CATSPERT: variants seen among roughly 807,000 people sequenced by gnomAD.
CATSPERT encodes catsper channel auxiliary subunit tau.
chr2:201,603,178 C>T, the CATSPERT span: 3 of 1,557,092 alleles, frequency 1.9e-6, no homozygotes, highest in Non-Finnish European at 2.6e-6. Context: ...ATAACTGAAA[C>T]AGTGAGATAT....
At chr2:201,583,254 A>G in the CATSPERT span, among the ~76,000 whole-genome samples, 2 of 152,156 alleles carry the variant, frequency 1.3e-5, no homozygotes, top group Non-Finnish European at 2.9e-5. Flanking sequence ...AAGACATGAT[A>G]CATTTAACAG....
the CATSPERT span, chr2:201,492,594 T>C: frequency 6.5e-7 from 1 of 1,528,346 alleles, no homozygotes; most frequent in South Asian, 1.2e-5. Context: ...TCTCATTAAA[T>C]AAACTGCTTT....
the CATSPERT span, among the ~76,000 whole-genome samples, chr2:201,499,198 A>G: frequency 6.6e-6 from 1 of 152,166 alleles, no homozygotes; most frequent in South Asian, 2.1e-4. Flanking sequence ...AATAAGAACA[A>G]ATGGAACTAA....
chr2:201,552,469 A>G, the CATSPERT span, among the ~76,000 whole-genome samples: 1 of 152,230 alleles, frequency 6.6e-6, no homozygotes, highest in Admixed American at 6.5e-5. Flanking sequence ...TGAATCCAGC[A>G]TAAGGACTAT....
the CATSPERT span, chr2:201,487,558 C>A: frequency 1.3e-6 from 2 of 1,483,946 alleles, no homozygotes; most frequent in Admixed American, 3.6e-5. Flanking sequence ...GCTGGCCTCA[C>A]ATATCATTCT....
the CATSPERT span, among the ~76,000 whole-genome samples, chr2:201,578,381 A>G: frequency 2.6e-5 from 4 of 152,132 alleles, no homozygotes; most frequent in Non-Finnish European, 4.4e-5. Flanking sequence ...TGTCATATGC[A>G]TTACCTCTCC....
At chr2:201,571,904 A>G in the CATSPERT span, 1 of 1,574,584 alleles carries the variant, frequency 6.4e-7, no homozygotes, top group African/African-American at 1.4e-5. Context: ...TAAGTGCCAC[A>G]TGATCTGACC....
At chr2:201,524,308 G>A in the CATSPERT span, among the ~76,000 whole-genome samples, 1 of 152,142 alleles carries the variant, frequency 6.6e-6, no homozygotes, top group East Asian at 1.9e-4. Flanking sequence ...AAGAGATTGG[G>A]AGCCTATACT....
the CATSPERT span, among the ~76,000 whole-genome samples, chr2:201,527,996 T>C: frequency 6.6e-5 from 10 of 151,768 alleles, no homozygotes; most frequent in Non-Finnish European, 1.5e-4. Flanking sequence ...GAGAAAATAT[T>C]TGCAAACTAC....
the CATSPERT span, among the ~76,000 whole-genome samples, chr2:201,615,144 CAATGAGACAGAAAGTT>C: frequency 6.6e-6 from 1 of 152,234 alleles, no homozygotes; most frequent in South Asian, 2.1e-4. Flanking sequence ...TTAGACAGAT[CAATGAGACAGAAAGTT>C]AACAAGGATA....
the CATSPERT span, among the ~76,000 whole-genome samples, chr2:201,542,074 T>C: frequency 1.3e-5 from 2 of 152,190 alleles, no homozygotes; most frequent in South Asian, 4.1e-4. Context: ...TTAAGTATTT[T>C]TTAATTAAGT....
the CATSPERT span, among the ~76,000 whole-genome samples, chr2:201,589,531 C>A: frequency 1.3e-5 from 2 of 152,104 alleles, no homozygotes; most frequent in East Asian, 3.8e-4. Flanking sequence ...ATAAATGGTG[C>A]TGGGATAACT....
At chr2:201,525,658 C>G in the CATSPERT span, among the ~76,000 whole-genome samples, 390 of 152,032 alleles carry the variant, frequency 2.6e-3, 2 homozygotes, top group African/African-American at 8.6e-3. Context: ...AAAACTGACA[C>G]AAAAGATCAA....
the CATSPERT span, among the ~76,000 whole-genome samples, chr2:201,508,352 G>C: frequency 6.6e-6 from 1 of 152,210 alleles, no homozygotes; most frequent in Non-Finnish European, 1.5e-5. Context: ...ATTTAAATTA[G>C]TTGACTTAAA....
chr2:201,596,584 AT>A, the CATSPERT span, among the ~76,000 whole-genome samples: 5 of 152,294 alleles, frequency 3.3e-5, no homozygotes, highest in East Asian at 1.9e-4. Flanking sequence ...TTAAAAAAAA[AT>A]ATTTCCTCCT....
At chr2:201,581,548 GTATATATATATATATA>G in the CATSPERT span, among the ~76,000 whole-genome samples, 21 of 9,656 alleles carry the variant, frequency 2.2e-3, 1 homozygote, top group South Asian at 0.017. Flanking sequence ...AAAAATGTGT[GTATATATATATATATA>G]TATATATATA....
the CATSPERT span, among the ~76,000 whole-genome samples, chr2:201,502,893 GTGT>G: frequency 7.3e-6 from 1 of 137,450 alleles, no homozygotes; most frequent in African/African-American, 2.6e-5. Flanking sequence ...TAGTGATACT[GTGT>G]TGTTTTTTTT....
At chr2:201,592,927 A>C in the CATSPERT span, among the ~76,000 whole-genome samples, 2 of 152,090 alleles carry the variant, frequency 1.3e-5, no homozygotes, top group Non-Finnish European at 2.9e-5. Context: ...CCTTTCAAAA[A>C]ACCAGCTGCT....
chr2:201,593,649 A>T, the CATSPERT span, among the ~76,000 whole-genome samples: 1 of 149,768 alleles, frequency 6.7e-6, no homozygotes, highest in Non-Finnish European at 1.5e-5. Flanking sequence ...TTGCTTTATG[A>T]AACTGGGTGC....
Sources: allele counts gnomAD v4.1 joint callset (sites outside exome capture counted in the v4.1 genomes callset), GRCh38; gene constraint gnomAD v4.1.1; transcripts MANE v1.5; gene names NCBI Gene and HGNC (gene_info 2026-07-23, HGNC 2026-07-21).